FANCB: variants seen among roughly 807,000 people sequenced by gnomAD.
FANCB encodes the protein FA complementation group B.
A neutral mutation model predicts 38.9 loss-of-function variants in FANCB; 5 were observed. That is an observed-to-expected ratio of 0.13 (90% CI 0.07 to 0.27). The LOEUF is 0.27. Ranked by LOEUF, FANCB falls within the 10% of genes least tolerant of loss-of-function variation. FANCB has a pLI of 1.00. For missense variants in FANCB, 573 were observed against 602.7 expected, an observed-to-expected ratio of 0.95 and a Z score of 0.52; for synonymous variants, 236 against 215.4, an observed-to-expected ratio of 1.10 and a Z score of -0.84.
At chrX:14,704,148 AC>A in the FANCB span, among the ~76,000 whole-genome samples, 1 of 112,078 alleles carries the variant, frequency 8.9e-6, no homozygotes, top group African/African-American at 3.2e-5. Flanking sequence ...CAAGTGTCAA[AC>A]AATGGTTTAT....
downstream of FANCB, chrX:14,835,348 A>G: frequency 2.3e-6 from 1 of 441,506 alleles, no homozygotes; most frequent in East Asian, 5.1e-5. Context: ...CTTAGGTGGG[A>G]GAGAAGGTGG....
the FANCB span, among the ~76,000 whole-genome samples, chrX:14,761,287 G>A: frequency 9.0e-6 from 1 of 111,353 alleles, no homozygotes; most frequent in Non-Finnish European, 1.9e-5. Context: ...ACAGGCATGA[G>A]CTACCATGCC....
At chrX:14,724,665 T>C in the FANCB span, among the ~76,000 whole-genome samples, 9 of 93,419 alleles carry the variant, frequency 9.6e-5, no homozygotes, top group Non-Finnish European at 1.4e-4. Context: ...AGAAGAAGAA[T>C]GGCAGTTGCT....
chrX:14,747,890 A>G, the FANCB span, among the ~76,000 whole-genome samples: 2 of 112,164 alleles, frequency 1.8e-5, no homozygotes, highest in African/African-American at 6.5e-5. Flanking sequence ...CCTATTTAAA[A>G]TAATTGGAAA....
At chrX:14,814,982 A>G in the FANCB span, among the ~76,000 whole-genome samples, 4 of 112,099 alleles carry the variant, frequency 3.6e-5, no homozygotes, top group African/African-American at 1.3e-4. Context: ...ATGGAATACT[A>G]TGCAGTCATA....
At chrX:14,740,472 T>G in the FANCB span, among the ~76,000 whole-genome samples, 2 of 111,560 alleles carry the variant, frequency 1.8e-5, no homozygotes, top group Non-Finnish European at 3.8e-5. Context: ...ACAGGTCCTT[T>G]GCACTAGCCA....
the FANCB span, among the ~76,000 whole-genome samples, chrX:14,736,241 A>T: frequency 9.1e-6 from 1 of 110,119 alleles, no homozygotes; most frequent in African/African-American, 3.3e-5. Flanking sequence ...CAGTGGAGTG[A>T]ACTATTCTGT....
Position 14,857,926 on chromosome X carries a change from T to A in FANCB, c.1133A>T (p.Asp378Val). ...SSEPSDCNED[D>V]LFEDKQENRY... is the part of the protein sequence containing the mutation. ...ATTCTCTTGTTTGTCTTCAAATAAG[T>A]CATCTTCATTGCAATCTGATGGTTC... Residue 378 changes from aspartate (D) to valine (V), a missense_variant, in exon 5 of 10, where the codon GAC (aspartate) becomes GTC (valine). Asp to Val is a radical substitution (Grantham distance 152). Coordinates refer to ENST00000650831, the MANE Select transcript of FANCB (RefSeq NM_001018113.3). The A allele has an allele frequency of 1.7e-6, 2 of 1,169,431 alleles. No homozygotes were observed. The highest frequency in any genetic ancestry group is 2.3e-6 in the Non-Finnish European group (2 of 857,580).
At chrX:14,715,422 G>A in the FANCB span, among the ~76,000 whole-genome samples, 1 of 112,127 alleles carries the variant, frequency 8.9e-6, no homozygotes, top group African/African-American at 3.2e-5. Flanking sequence ...TGCATTCAAT[G>A]TAGGAAGATT....
intron 5 of FANCB, 137 bp from the exon 6 acceptor site, chrX:14,853,304 C>T (rs1931006180): frequency 3.9e-6 from 2 of 517,705 alleles, no homozygotes; most frequent in Non-Finnish European, 6.1e-6. Flanking sequence ...CTTCTCAGAG[C>T]AAAACAGTTT....
the FANCB span, among the ~76,000 whole-genome samples, chrX:14,799,633 T>C: frequency 3.6e-5 from 4 of 111,766 alleles, no homozygotes; most frequent in South Asian, 1.5e-3. Flanking sequence ...TTGATGGTAA[T>C]ATAGACGTTA....
At chrX:14,812,715 C>A in the FANCB span, among the ~76,000 whole-genome samples, 2 of 108,309 alleles carry the variant, frequency 1.8e-5, no homozygotes, top group Non-Finnish European at 3.8e-5. Context: ...GAAGGATTCA[C>A]TGCCGAATTC....
At chrX:14,754,695 G>GT in the FANCB span, among the ~76,000 whole-genome samples, 2 of 110,404 alleles carry the variant, frequency 1.8e-5, no homozygotes, top group Admixed American at 1.9e-4. Context: ...GAGATTTTTA[G>GT]TTTTTTTAAT....
chrX:14,737,962 C>T, the FANCB span, among the ~76,000 whole-genome samples: 2 of 111,750 alleles, frequency 1.8e-5, no homozygotes, highest in Non-Finnish European at 3.8e-5. Context: ...CAGCATATGG[C>T]AGAGTGGGTA....
At chrX:14,827,830 C>T in the FANCB span, among the ~76,000 whole-genome samples, 1 of 111,841 alleles carries the variant, frequency 8.9e-6, no homozygotes, top group African/African-American at 3.2e-5. Context: ...ACCAAAATCA[C>T]ACTTGTAGCT....
the FANCB span, among the ~76,000 whole-genome samples, chrX:14,805,279 T>C: frequency 8.9e-6 from 1 of 111,753 alleles, no homozygotes; most frequent in African/African-American, 3.3e-5. Context: ...GTTTGTGCTT[T>C]AGTGATGTCA....
At chrX:14,747,473 T>C in the FANCB span, among the ~76,000 whole-genome samples, 1 of 112,619 alleles carries the variant, frequency 8.9e-6, no homozygotes, top group African/African-American at 3.2e-5. Flanking sequence ...CTCAGTGGAA[T>C]GAGGGTTGCA....
chrX:14,769,628 T>C, the FANCB span, among the ~76,000 whole-genome samples: 1 of 111,591 alleles, frequency 9.0e-6, no homozygotes, highest in African/African-American at 3.3e-5. Context: ...TCATTGATTT[T>C]TGAAGGGTTT....
At chrX:14,747,783 T>C in the FANCB span, among the ~76,000 whole-genome samples, 4 of 112,505 alleles carry the variant, frequency 3.6e-5, no homozygotes, top group East Asian at 1.1e-3. Flanking sequence ...TAAGCATTTA[T>C]CTCATGATAT....
Sources: gnomAD v4.1 joint callset for allele counts (sites outside exome capture counted in the v4.1 genomes callset) on GRCh38, gnomAD v4.1.1 for gene constraint, MANE v1.5 for transcripts, NCBI Gene and HGNC (gene_info 2026-07-23, HGNC 2026-07-21) for gene names.